Variants in DIP2C observed in about 807,000 individuals in gnomAD.
DIP2C encodes disco-interacting protein 2 homolog C.
DIP2C carries 33 observed loss-of-function variants against 192.4 expected under a neutral mutation model. The ratio of observed to expected loss-of-function variants is 0.17; its 90% CI spans 0.13 to 0.23. The LOEUF (loss-of-function observed/expected upper bound fraction) is 0.23. Among genes scored for constraint, DIP2C ranks in the 10% least tolerant of loss-of-function variants. The pLI, the probability that DIP2C is intolerant of heterozygous loss-of-function variation, is 1.00. For synonymous variants in DIP2C, 979 were observed against 864.1 expected, an observed-to-expected ratio of 1.13 and a Z score of -2.33; for missense variants, 1,537 against 2,110.1, an observed-to-expected ratio of 0.73 and a Z score of 5.32.
At chr10:423,269 C>T (rs1241578216) in intron 4 of DIP2C, among the ~76,000 whole-genome samples, 2 of 152,226 alleles carry the variant, frequency 1.3e-5, no homozygotes, top group African/African-American at 4.8e-5. Context: ...TTGACACTGT[C>T]ATCTCAGACA....
At chr10:515,802 G>A (rs1297716880) in intron 1 of DIP2C, among the ~76,000 whole-genome samples, 5 of 151,956 alleles carry the variant, frequency 3.3e-5, no homozygotes, top group Non-Finnish European at 4.4e-5. Context: ...GCAATCACAC[G>A]GCAATGGTTA....
chr10:591,230 T>TTC (rs1588540600), intron 1 of DIP2C, among the ~76,000 whole-genome samples: 1 of 152,132 alleles, frequency 6.6e-6, no homozygotes, highest in African/African-American at 2.4e-5. Context: ...GTACAAGTGT[T>TTC]TCTCCTGCCT....
Position 329,584 on chromosome 10 carries a change from T to C in DIP2C, c.3602A>G (p.Gln1201Arg). The C allele has an allele frequency of 6.2e-7, 1 of 1,614,098 alleles. No individual in the cohort carries two copies. The highest frequency in any genetic ancestry group is 8.5e-7 in the Non-Finnish European group (1 of 1,179,986). ...CTCAGAGGGCGGGATCAGGATGGAC[T>C]GGTGCCCAGAATACACACTGCAGAG... ...WCLCSVYSGH[Q>R]SILIPPSELE... Residue 1201 changes from glutamine (Q) to arginine (R), a missense_variant, in exon 30 of 37, where the codon CAG becomes CGG. This residue lies in a region of DIP2C where 341 missense variants were observed against 551.7 expected (regional missense o/e 0.62). Transcript: ENST00000280886.
chr10:496,046 A>C (rs1449071046), intron 1 of DIP2C, among the ~76,000 whole-genome samples: 1 of 141,622 alleles, frequency 7.1e-6, no homozygotes, highest in African/African-American at 2.7e-5. Context: ...TCTCTACATT[A>C]CTCTTAACAC....
chr10:397,891 G>T (rs776944080), intron 10 of DIP2C, among the ~76,000 whole-genome samples: 1 of 152,150 alleles, frequency 6.6e-6, no homozygotes, highest in African/African-American at 2.4e-5. Flanking sequence ...TGATGGGAAG[G>T]AGGGGTCGGA....
At chr10:435,991 T>C (rs1192628576) in intron 4 of DIP2C, among the ~76,000 whole-genome samples, 1 of 151,702 alleles carries the variant, frequency 6.6e-6, no homozygotes, top group African/African-American at 2.4e-5. Context: ...ACAGGTACAA[T>C]TAATTTTATT....
At chr10:674,888 GACAGAAAATA>G (rs1830821115) in intron 1 of DIP2C, among the ~76,000 whole-genome samples, 1 of 150,156 alleles carries the variant, frequency 6.7e-6, no homozygotes, top group African/African-American at 2.5e-5. Flanking sequence ...AGATCATCTA[GACAGAAAATA>G]ACAACAAAAT....
intron 1 of DIP2C, among the ~76,000 whole-genome samples, chr10:615,147 C>T (rs553189362): frequency 9.2e-5 from 14 of 152,336 alleles, no homozygotes; most frequent in South Asian, 6.2e-4. Context: ...TGACACTTCT[C>T]GGAGAGAGAC....
At chr10:681,035 A>G (rs1217519484) in intron 1 of DIP2C, among the ~76,000 whole-genome samples, 1 of 151,340 alleles carries the variant, frequency 6.6e-6, no homozygotes, top group Non-Finnish European at 1.5e-5. Flanking sequence ...TGCATGGTAC[A>G]GCTACCGCCT....
intron 1 of DIP2C, among the ~76,000 whole-genome samples, chr10:509,433 C>A (rs1158308923): frequency 2.0e-5 from 3 of 152,214 alleles, no homozygotes; most frequent in Non-Finnish European, 4.4e-5. Context: ...CCCCCTCCCA[C>A]CCCGAGGCAG....
chr10:607,885 G>A (rs966687873), intron 1 of DIP2C, among the ~76,000 whole-genome samples: 12 of 151,980 alleles, frequency 7.9e-5, no homozygotes, highest in African/African-American at 2.7e-4. Context: ...GGCCATTTGT[G>A]TCATTCGCTA....
chr10:578,910 AGT>A lies in DIP2C; in HGVS notation c.86-92382_86-92381del, dbSNP rs78336000. Among the ~76,000 whole-genome samples the A allele has an allele frequency of 9.0e-4, 137 of 151,926 alleles. 2 individuals carry two copies. The East Asian group carries it at 0.024, about 26-fold the overall frequency. On this transcript the variant is annotated intron_variant, in intron 1 of 36. Transcript: ENST00000280886. Reference sequence around the variant, plus strand: ...AGAGCATACACACATCCAGATCCACAGTGTGTGCACATAGGCACACTGTAACA... The same window carrying A: ...AGAGCATACACACATCCAGATCCACAGTGTGCACATAGGCACACTGTAACA...
At chr10:330,010 G>A (rs780366520) in intron 29 of DIP2C, among the ~76,000 whole-genome samples, 14 of 151,726 alleles carry the variant, frequency 9.2e-5, no homozygotes, top group African/African-American at 3.4e-4. Context: ...TCCTGTTTTT[G>A]TAAATAAAGT....
At chr10:529,088 G>A (rs779494690) in intron 1 of DIP2C, among the ~76,000 whole-genome samples, 2 of 152,150 alleles carry the variant, frequency 1.3e-5, no homozygotes, top group Non-Finnish European at 1.5e-5. Flanking sequence ...AGTTAGACTC[G>A]AGGCTCCCAG....
chr10:418,922 G>A lies in DIP2C; in HGVS notation c.739+143C>T, dbSNP rs1965984165. On this transcript the variant is annotated intron_variant, in intron 6 of 36. Coordinates refer to ENST00000280886, the MANE Select transcript of DIP2C (RefSeq NM_014974.3). ...TTTTTGTGGCTAGGCCACCTTCCATGAGAGGCTCCCGAAGATCTGATAAAT... is the reference window on the plus strand; with the variant it reads ...TTTTTGTGGCTAGGCCACCTTCCATAAGAGGCTCCCGAAGATCTGATAAAT... 3.1e-6 allele frequency: 4 copies of A among 1,273,904 alleles called. No homozygotes were observed. The Admixed American group carries it at 1.0e-4, about 33-fold the overall frequency. 78.9% of individuals were successfully genotyped at this position (1,273,904 alleles called of 1,614,324 possible).
intron 1 of DIP2C, among the ~76,000 whole-genome samples, chr10:499,856 T>C (rs1845102161): frequency 6.6e-6 from 1 of 152,214 alleles, no homozygotes; most frequent in Non-Finnish European, 1.5e-5. Flanking sequence ...TCTGCCAAAT[T>C]GTTGACTTTA....
chr10:395,367 G>A (rs539441722), intron 10 of DIP2C, among the ~76,000 whole-genome samples: 3 of 152,210 alleles, frequency 2.0e-5, no homozygotes, highest in East Asian at 3.9e-4. Context: ...AACATTCCAC[G>A]TCGTATGCAT....
intron 1 of DIP2C, among the ~76,000 whole-genome samples, chr10:622,206 G>A (rs577779955): frequency 3.4e-5 from 5 of 148,384 alleles, no homozygotes; most frequent in East Asian, 2.0e-4. Flanking sequence ...TGGATGAAGC[G>A]GAAGATTCCA....
intron 1 of DIP2C, among the ~76,000 whole-genome samples, chr10:657,971 C>T (rs1396930049): frequency 2.7e-5 from 4 of 147,710 alleles, no homozygotes; most frequent in Non-Finnish European, 4.5e-5. Context: ...CTGGACCTGC[C>T]GCTGGACCTG....
Sources: gnomAD v4.1 joint callset for allele counts (sites outside exome capture counted in the v4.1 genomes callset) on GRCh38, gnomAD v4.1.1 for gene constraint, gnomAD v4.1.1 regional missense constraint, MANE v1.5 for transcripts, NCBI Gene and HGNC (gene_info 2026-07-23, HGNC 2026-07-21) for gene names.